Variants in ZFAND6 observed in about 807,000 individuals in gnomAD.
ZFAND6 encodes AN1-type zinc finger protein 6.
ZFAND6 carries 12 observed loss-of-function variants against 24.5 expected under a neutral mutation model. The ratio of observed to expected loss-of-function variants is 0.49; its 90% CI spans 0.31 to 0.79. ZFAND6 has a LOEUF of 0.79. Among genes scored for constraint, ZFAND6 ranks in the 30% least tolerant of loss-of-function variants. ZFAND6 has a pLI of 0.04. For synonymous variants in ZFAND6, 92 were observed against 81.5 expected (o/e 1.13, Z -0.69); for missense variants, 207 against 245.9 (o/e 0.84, Z 1.06).
At chr15:80,102,057 A>C (rs962676234) in intron 2 of ZFAND6, among the ~76,000 whole-genome samples, 1 of 152,036 alleles carries the variant, frequency 6.6e-6, no homozygotes, top group Non-Finnish European at 1.5e-5. Flanking sequence ...CGGCCTCCCA[A>C]AGTGCTGGGA....
chr15:80,070,479 G>A (rs2036912659), intron 1 of ZFAND6, among the ~76,000 whole-genome samples: 1 of 152,066 alleles, frequency 6.6e-6, no homozygotes, highest in Non-Finnish European at 1.5e-5. Context: ...GTTGTTTTCT[G>A]CTGCTGCTGA....
At chr15:80,060,174 G>C (rs1189687562) in intron 1 of ZFAND6, 1 of 152,082 alleles carries the variant, frequency 6.6e-6, no homozygotes, top group African/African-American at 2.4e-5. Flanking sequence ...GGTTGCGAGC[G>C]GTTGGCTGGC....
chr15:80,092,806 T>G (rs2141905661), intron 1 of ZFAND6, among the ~76,000 whole-genome samples: 1 of 152,284 alleles, frequency 6.6e-6, no homozygotes, highest in South Asian at 2.1e-4. Flanking sequence ...TTTGAGCATT[T>G]TAATTTTGTG....
chr15:80,068,301 A>G (rs1403004829), intron 1 of ZFAND6, among the ~76,000 whole-genome samples: 5 of 151,020 alleles, frequency 3.3e-5, no homozygotes, highest in Non-Finnish European at 5.9e-5. Context: ...GCGCGCCACC[A>G]TGCCTGTATA....
At chr15:80,135,190 T>G (rs1237332791) in intron 6 of ZFAND6, among the ~76,000 whole-genome samples, 1 of 152,224 alleles carries the variant, frequency 6.6e-6, no homozygotes, top group Non-Finnish European at 1.5e-5. Flanking sequence ...TTTCTCTTCC[T>G]TGTGATTTTC....
intron 1 of ZFAND6, among the ~76,000 whole-genome samples, chr15:80,069,460 T>C (rs926394860): frequency 4.6e-5 from 7 of 152,196 alleles, no homozygotes. Flanking sequence ...CCTTAATGTT[T>C]CCTTTGTGTT....
chr15:80,118,297 G>A (rs1174735142), intron 2 of ZFAND6, among the ~76,000 whole-genome samples: 1 of 147,160 alleles, frequency 6.8e-6, no homozygotes, highest in Non-Finnish European at 1.5e-5. Flanking sequence ...TAGTTTTTTT[G>A]TATTTTTAGT....
At chr15:80,066,139 T>C (rs180736600) in intron 1 of ZFAND6, among the ~76,000 whole-genome samples, 1 of 152,248 alleles carries the variant, frequency 6.6e-6, no homozygotes, top group African/African-American at 2.4e-5. Context: ...TCTGTCAATA[T>C]AGACAAACCA....
intron 1 of ZFAND6, among the ~76,000 whole-genome samples, chr15:80,097,415 A>C (rs2038788200): frequency 6.6e-6 from 1 of 152,080 alleles, no homozygotes; most frequent in African/African-American, 2.4e-5. Context: ...TGGGAAGCCA[A>C]GGCAGGTGGA....
intron 6 of ZFAND6, among the ~76,000 whole-genome samples, chr15:80,136,123 C>CAAAA (rs532411226): frequency 8.5e-6 from 1 of 117,922 alleles, no homozygotes; most frequent in Non-Finnish European, 1.7e-5. Flanking sequence ...GACCCTGTGT[C>CAAAA]AAAAAAAAAA....
At chr15:80,092,957 ATTTTT>A (rs34614890) in intron 1 of ZFAND6, among the ~76,000 whole-genome samples, 1 of 141,944 alleles carries the variant, frequency 7.0e-6, no homozygotes, top group African/African-American at 2.6e-5. Context: ...GGCTACTACA[ATTTTT>A]TTTTTTTTTT....
At chr15:80,119,031 T>C (rs1241536797) in intron 2 of ZFAND6, among the ~76,000 whole-genome samples, 1 of 152,192 alleles carries the variant, frequency 6.6e-6, no homozygotes, top group African/African-American at 2.4e-5. Flanking sequence ...GTAATACATA[T>C]ACACCCATTT....
chr15:80,079,639 T>C (rs934832159), intron 1 of ZFAND6, among the ~76,000 whole-genome samples: 1 of 151,588 alleles, frequency 6.6e-6, no homozygotes, highest in African/African-American at 2.4e-5. Flanking sequence ...GAAAAGAATG[T>C]TTTCCTTAGC....
chr15:80,073,277 TA>T, intron 1 of ZFAND6: 1 of 334,996 alleles, frequency 3.0e-6, no homozygotes, highest in South Asian at 2.3e-5. Flanking sequence ...TGGAGATAAG[TA>T]ATTAACATTT....
chr15:80,097,539 C>G (rs1360675207), intron 1 of ZFAND6, among the ~76,000 whole-genome samples: 1 of 151,996 alleles, frequency 6.6e-6, no homozygotes, highest in Non-Finnish European at 1.5e-5. Flanking sequence ...GTCCCAGCTA[C>G]TCAGGTGACT....
At chr15:80,126,403 T>C (rs2040371007) in intron 5 of ZFAND6, among the ~76,000 whole-genome samples, 1 of 152,190 alleles carries the variant, frequency 6.6e-6, no homozygotes, top group South Asian at 2.1e-4. Flanking sequence ...CAAGCTACAG[T>C]AATCAAGACT....
intron 1 of ZFAND6, among the ~76,000 whole-genome samples, chr15:80,084,254 G>A (rs543456227): frequency 2.6e-5 from 4 of 152,068 alleles, no homozygotes; most frequent in South Asian, 4.2e-4. Context: ...TCCCAAATTC[G>A]AAATTTGAAA....
rs564019807 is a variant in ZFAND6, at chr15:80,074,628, G to T, written c.-181+14819G>T. Reference sequence around the variant, plus strand: ...ATGAATAATTACAGGCTTTGAAATGGTATATCAGCATCTTTCCAGTATTTT... The same window carrying T: ...ATGAATAATTACAGGCTTTGAAATGTTATATCAGCATCTTTCCAGTATTTT... On this transcript the variant is annotated intron_variant, in intron 1 of 6. Coordinates refer to ENST00000261749, the MANE Select transcript of ZFAND6 (RefSeq NM_019006.4). Among the ~76,000 whole-genome samples the T allele has an allele frequency of 1.8e-4, 27 of 151,996 alleles. No individual in the cohort carries two copies. In the East Asian group the frequency reaches 4.2e-3, roughly 24 times the overall value.
In ZFAND6 at chr15:80,137,462, G is replaced by GTAT. The variant is rs1445150399; in HGVS notation, c.479-15_479-13dup. 3.8e-6 allele frequency: 6 copies of GTAT among 1,599,344 alleles called. No individual in the cohort carries two copies. Among genetic ancestry groups the GTAT allele is most frequent in the African/African-American group, 2.7e-5 (2 of 73,872 alleles). On this transcript the variant is annotated splice_polypyrimidine_tract_variant and intron_variant, in intron 6 of 6. Coordinates refer to ENST00000261749, the MANE Select transcript of ZFAND6 (RefSeq NM_019006.4). The stretch of plus-strand genomic sequence containing the variant: ...ATTTCATCCTTCAACTCATGTATGT[G>GTAT]TATTACTCCATTTCCAGGGTTTGAA...
Sources: allele counts gnomAD v4.1 joint callset (sites outside exome capture counted in the v4.1 genomes callset), GRCh38; gene constraint gnomAD v4.1.1; transcripts MANE v1.5; gene names NCBI Gene and HGNC (gene_info 2026-07-23, HGNC 2026-07-21).